The following TRAF3IP1 variants were observed in gnomAD, a reference collection of about 807,000 sequenced individuals.
TRAF3IP1 encodes the protein intraflagellar transport 54, also known as TRAF3-interacting protein 1.
Under a neutral mutation model 89.9 loss-of-function variants are expected in TRAF3IP1, and 53 were observed. The observed-to-expected ratio is 0.59, with a 90% CI of 0.47 to 0.74. TRAF3IP1 has a LOEUF of 0.74. TRAF3IP1 is among the 30% of genes least tolerant of loss of function. The probability of loss-of-function intolerance (pLI) is 0.00; values close to 1 mark genes in which losing one functional copy is unlikely to be tolerated. For missense variants in TRAF3IP1, 806 were observed against 866.1 expected, an observed-to-expected ratio of 0.93 and a Z score of 0.87; for synonymous variants, 311 against 322.1, an observed-to-expected ratio of 0.97 and a Z score of 0.37.
intron 8 of TRAF3IP1, among the ~76,000 whole-genome samples, chr2:238,341,044 A>G (rs1234732361): frequency 1.3e-5 from 2 of 152,130 alleles, no homozygotes; most frequent in Non-Finnish European, 2.9e-5. Flanking sequence ...TTTTTGAGAC[A>G]GGGCTTTGCT....
chr2:238,340,198 G>T (rs1407670966), intron 8 of TRAF3IP1, among the ~76,000 whole-genome samples: 1 of 152,146 alleles, frequency 6.6e-6, no homozygotes, highest in Non-Finnish European at 1.5e-5. Context: ...CTCTGTCCTC[G>T]CAGTTGCAGG....
intron 10 of TRAF3IP1, 50 bp from the exon 11 acceptor site, chr2:238,348,714 T>G: frequency 2.7e-6 from 4 of 1,468,840 alleles, no homozygotes; most frequent in Non-Finnish European, 3.8e-6. Flanking sequence ...CAAATAGTTA[T>G]CTATGTGTGT....
intron 8 of TRAF3IP1, among the ~76,000 whole-genome samples, chr2:238,342,562 T>C (rs1347866389): frequency 6.6e-6 from 1 of 152,232 alleles, no homozygotes. Context: ...TTGCTTACTG[T>C]GATGGTGAAT....
chr2:238,334,471 C>A (rs531440939), intron 7 of TRAF3IP1, among the ~76,000 whole-genome samples: 1 of 152,092 alleles, frequency 6.6e-6, no homozygotes, highest in Non-Finnish European at 1.5e-5. Flanking sequence ...ATGCTAAAAG[C>A]CGAATGTACA....
intron 15 of TRAF3IP1, among the ~76,000 whole-genome samples, chr2:238,393,923 A>G (rs1050770045): frequency 1.3e-5 from 2 of 152,170 alleles, no homozygotes; most frequent in African/African-American, 4.8e-5. Context: ...CTTGAAGCCT[A>G]CGCGGTGGCT....
At chr2:238,363,899 G>T (rs1363194472) in intron 15 of TRAF3IP1, among the ~76,000 whole-genome samples, 1 of 152,164 alleles carries the variant, frequency 6.6e-6, no homozygotes, top group Non-Finnish European at 1.5e-5. Context: ...GGTGGAAGTT[G>T]CAGCGAGCCG....
chr2:238,348,167 A>G (rs950811947), intron 10 of TRAF3IP1, among the ~76,000 whole-genome samples: 10 of 152,084 alleles, frequency 6.6e-5, no homozygotes, highest in African/African-American at 2.4e-4. Flanking sequence ...GATTATAAAC[A>G]TAATATGGTA....
chr2:238,399,686 G>T lies in TRAF3IP1; in HGVS notation c.*767G>T, dbSNP rs1318704488. ...CAGACAGAGGCTAGCGCAGCCCCCCGGAGTCCTTGTTCTCCTTAAGAGGGT... is the reference window on the plus strand; with the variant it reads ...CAGACAGAGGCTAGCGCAGCCCCCCTGAGTCCTTGTTCTCCTTAAGAGGGT... On this transcript the variant is annotated 3_prime_UTR_variant, in exon 17 of 17. Transcript: ENST00000373327. 1.3e-5 allele frequency: 2 copies of T among 151,958 alleles called. No individual in the cohort carries two copies. Among genetic ancestry groups the T allele is most frequent in the Non-Finnish European group, 2.9e-5 (2 of 67,996 alleles). The allele number at this position is 151,958 out of a possible 1,614,324, so 9.4% of individuals were successfully genotyped here.
At chr2:238,346,233 G>A (rs1159830466) in intron 9 of TRAF3IP1, among the ~76,000 whole-genome samples, 3 of 152,160 alleles carry the variant, frequency 2.0e-5, no homozygotes, top group African/African-American at 7.2e-5. Context: ...TCCCATCCCA[G>A]GGTTGAGCTG....
intron 15 of TRAF3IP1, among the ~76,000 whole-genome samples, chr2:238,385,709 G>T (rs888250172): frequency 1.1e-4 from 17 of 152,144 alleles, no homozygotes; most frequent in Admixed American, 2.0e-4. Flanking sequence ...GTATTCTTTT[G>T]GCCTCAAACC....
At chr2:238,370,201 G>A (rs935274372) in intron 15 of TRAF3IP1, among the ~76,000 whole-genome samples, 1 of 152,070 alleles carries the variant, frequency 6.6e-6, no homozygotes, top group African/African-American at 2.4e-5. Flanking sequence ...GTATGTATGT[G>A]TGTATATATG....
intron 15 of TRAF3IP1, among the ~76,000 whole-genome samples, chr2:238,394,662 ATTAG>A (rs1701134763): frequency 6.6e-6 from 1 of 152,188 alleles, no homozygotes; most frequent in African/African-American, 2.4e-5. Flanking sequence ...GAACTCACTT[ATTAG>A]TTGTATGAGT....
chr2:238,371,068 G>A (rs1700091662), intron 15 of TRAF3IP1, among the ~76,000 whole-genome samples: 1 of 152,200 alleles, frequency 6.6e-6, no homozygotes, highest in African/African-American at 2.4e-5. Context: ...ATAGATTTCT[G>A]AGTAAAATGT....
At chr2:238,373,428 A>G (rs1018300992) in intron 15 of TRAF3IP1, among the ~76,000 whole-genome samples, 69 of 152,274 alleles carry the variant, frequency 4.5e-4, no homozygotes, top group Admixed American at 2.3e-3. Context: ...GGTTTGTCAA[A>G]GATCAGATGG....
chr2:238,392,541 A>G (rs772268869), intron 15 of TRAF3IP1, among the ~76,000 whole-genome samples: 2 of 151,076 alleles, frequency 1.3e-5, no homozygotes, highest in Non-Finnish European at 2.9e-5. Context: ...TCTGAGGGCC[A>G]TCCAGTTTGT....
chr2:238,391,066 C>G (rs1000690413), intron 15 of TRAF3IP1, among the ~76,000 whole-genome samples: 1 of 152,182 alleles, frequency 6.6e-6, no homozygotes, highest in Non-Finnish European at 1.5e-5. Context: ...GCAATCCTCC[C>G]TGCTTAGCCT....
chr2:238,378,612 TGA>T (rs142416383), intron 15 of TRAF3IP1, among the ~76,000 whole-genome samples: 51 of 149,012 alleles, frequency 3.4e-4, no homozygotes, highest in South Asian at 4.2e-4. Flanking sequence ...GCCTGGAGTT[TGA>T]GAGAGAGAGA....
At chr2:238,339,413 A>C (rs1019717418) in intron 8 of TRAF3IP1, among the ~76,000 whole-genome samples, 1 of 152,184 alleles carries the variant, frequency 6.6e-6, no homozygotes, top group Non-Finnish European at 1.5e-5. Flanking sequence ...TTGGTGATGT[A>C]TGTTTTCTTT....
intron 15 of TRAF3IP1, among the ~76,000 whole-genome samples, chr2:238,369,567 T>A (rs1423299610): frequency 6.6e-6 from 1 of 152,208 alleles, no homozygotes; most frequent in Non-Finnish European, 1.5e-5. Flanking sequence ...TGGTGTTTCC[T>A]TGTGATTAGA....
Sources: allele counts gnomAD v4.1 joint callset (sites outside exome capture counted in the v4.1 genomes callset), GRCh38; gene constraint gnomAD v4.1.1; transcripts MANE v1.5; gene names NCBI Gene and HGNC (gene_info 2026-07-23, HGNC 2026-07-21).